The following CADPS2 variants were observed in gnomAD, a reference collection of about 807,000 sequenced individuals.
CADPS2 encodes calcium-dependent secretion activator 2.
CADPS2 carries 93 observed loss-of-function variants against 172.5 expected under a neutral mutation model. The observed-to-expected ratio is 0.54, with a 90% CI of 0.46 to 0.64. CADPS2 has a LOEUF of 0.64. CADPS2 is among the 30% of genes least tolerant of loss of function. The pLI, the probability that CADPS2 is intolerant of heterozygous loss-of-function variation, is 0.00. For synonymous variants in CADPS2, 546 were observed against 555.2 expected (o/e 0.98, Z 0.23); for missense variants, 1,420 against 1,565.9 (o/e 0.91, Z 1.57).
intron 17 of CADPS2, chr7:122,421,156 T>C (rs2048486190): frequency 6.6e-6 from 1 of 152,338 alleles, no homozygotes; most frequent in South Asian, 2.1e-4. Context: ...ATATGATATG[T>C]AGTAATTTGT....
At chr7:122,392,117 T>A (rs891232343) in intron 22 of CADPS2, among the ~76,000 whole-genome samples, 2 of 152,164 alleles carry the variant, frequency 1.3e-5, no homozygotes, top group Non-Finnish European at 2.9e-5. Context: ...TCATGATTAT[T>A]CTTTCTAGTT....
chr7:122,381,919 G>A (rs192699313), intron 24 of CADPS2, among the ~76,000 whole-genome samples: 1 of 152,272 alleles, frequency 6.6e-6, no homozygotes. Flanking sequence ...TTCTGCTATT[G>A]TAAATGTATC....
chr7:122,481,488 C>T (rs776618272), intron 11 of CADPS2, among the ~76,000 whole-genome samples: 1 of 151,972 alleles, frequency 6.6e-6, no homozygotes, highest in African/African-American at 2.4e-5. Flanking sequence ...TGCCTGTAAT[C>T]CCAGCACTTC....
chr7:122,742,463 A>G (rs143411779), intron 1 of CADPS2, among the ~76,000 whole-genome samples: 71 of 152,224 alleles, frequency 4.7e-4, no homozygotes, highest in African/African-American at 7.2e-4. Context: ...TTTGAAAACT[A>G]TAAGATTAAG....
intron 17 of CADPS2, among the ~76,000 whole-genome samples, chr7:122,428,477 T>A (rs928869268): frequency 3.1e-4 from 47 of 150,122 alleles, no homozygotes; most frequent in Middle Eastern, 3.5e-3. Flanking sequence ...ATATATTTTT[T>A]TTTTTTTGAG....
chr7:122,849,463 C>T (rs942505979), intron 1 of CADPS2, among the ~76,000 whole-genome samples: 7 of 152,156 alleles, frequency 4.6e-5, no homozygotes, highest in Non-Finnish European at 7.4e-5. Flanking sequence ...TTTCCAAGGA[C>T]GTTTCCTTGG....
intron 2 of CADPS2, chr7:122,698,568 TTTAA>T (rs2085514020): frequency 7.4e-6 from 12 of 1,613,978 alleles, no homozygotes; most frequent in Admixed American, 1.7e-5. Flanking sequence ...CAGTTGCCAC[TTTAA>T]TTTTCTGTGT....
chr7:122,732,261 T>A (rs889635801), intron 2 of CADPS2, among the ~76,000 whole-genome samples: 1 of 151,624 alleles, frequency 6.6e-6, no homozygotes, highest in Admixed American at 6.6e-5. Context: ...TATCTCGGGT[T>A]TCATACCAAG....
chr7:122,754,204 AG>A (rs1215359230), intron 1 of CADPS2, among the ~76,000 whole-genome samples: 1 of 152,188 alleles, frequency 6.6e-6, no homozygotes, highest in Non-Finnish European at 1.5e-5. Context: ...CTATTAACAA[AG>A]TAGTGCTGTT....
chr7:122,638,812 G>A (rs752623744), intron 3 of CADPS2, among the ~76,000 whole-genome samples: 2 of 152,120 alleles, frequency 1.3e-5, no homozygotes, highest in Non-Finnish European at 2.9e-5. Context: ...GCCCAGCTTC[G>A]ATTTTCTCTG....
At chr7:122,774,997 T>C (rs914834968) in intron 1 of CADPS2, among the ~76,000 whole-genome samples, 6 of 152,200 alleles carry the variant, frequency 3.9e-5, no homozygotes, top group African/African-American at 1.4e-4. Flanking sequence ...TCTCAAAGAA[T>C]TGTGTTAGTC....
chr7:122,577,670 T>C (rs1484861448), intron 7 of CADPS2, among the ~76,000 whole-genome samples: 1 of 152,172 alleles, frequency 6.6e-6, no homozygotes, highest in Non-Finnish European at 1.5e-5. Flanking sequence ...CTTTGGTAAA[T>C]ATCTAGGAGT....
intron 3 of CADPS2, among the ~76,000 whole-genome samples, chr7:122,646,193 A>T (rs1181089027): frequency 6.6e-6 from 1 of 152,070 alleles, no homozygotes; most frequent in Non-Finnish European, 1.5e-5. Context: ...CCTCAGAGCC[A>T]TGTCTCGTCC....
At chr7:122,325,453 C>A (rs1257629985) in intron 29 of CADPS2, 24 bp downstream of exon 29, 4 of 1,465,692 alleles carry the variant, frequency 2.7e-6, no homozygotes, top group Middle Eastern at 1.7e-4. Flanking sequence ...GTGGGCAATT[C>A]ATATCTAAAC....
intron 1 of CADPS2, among the ~76,000 whole-genome samples, chr7:122,837,973 C>T (rs914975752): frequency 6.6e-6 from 1 of 151,918 alleles, no homozygotes; most frequent in Non-Finnish European, 1.5e-5. Context: ...AGAGACACAA[C>T]AAAAAAAGAG....
At chr7:122,650,643 T>C (rs935199008) in intron 3 of CADPS2, among the ~76,000 whole-genome samples, 1 of 152,160 alleles carries the variant, frequency 6.6e-6, no homozygotes, top group Non-Finnish European at 1.5e-5. Context: ...AAACCTTATT[T>C]TAGAATATTC....
At chr7:122,345,077 A>G (rs2037364915) in intron 28 of CADPS2, among the ~76,000 whole-genome samples, 1 of 152,012 alleles carries the variant, frequency 6.6e-6, no homozygotes, top group African/African-American at 2.4e-5. Context: ...ACACCAACAA[A>G]TATACCTTTG....
At position 122,424,620 on chromosome 7, in the gene CADPS2, C is replaced by T. The variant is rs144876518; in HGVS notation, c.2477-8456G>A. 2.5e-3 allele frequency among the ~76,000 whole-genome samples: 377 copies of T among 152,338 alleles called. 3 individuals carry two copies. The highest frequency in any genetic ancestry group is 8.6e-3 in the African/African-American group (358 of 41,574). On this transcript the variant is annotated intron_variant, in intron 17 of 29. Coordinates refer to ENST00000449022, the MANE Select transcript of CADPS2 (RefSeq NM_017954.11). ...TGATGGAATTACAGAGAATAGATTA[C>T]TAGAACCCACAAGCAAAAATTAGTA... is the stretch of plus-strand genomic sequence containing the variant.
chr7:122,690,848 CAT>C (rs1397818117), intron 2 of CADPS2, among the ~76,000 whole-genome samples: 1 of 152,172 alleles, frequency 6.6e-6, no homozygotes, highest in Non-Finnish European at 1.5e-5. Flanking sequence ...GGTATCAAAC[CAT>C]ATAGTGTCAG....
Sources: gnomAD v4.1 joint callset for allele counts (sites outside exome capture counted in the v4.1 genomes callset) on GRCh38, gnomAD v4.1.1 for gene constraint, MANE v1.5 for transcripts, NCBI Gene and HGNC (gene_info 2026-07-23, HGNC 2026-07-21) for gene names.